NAV2: variants seen among roughly 807,000 people sequenced by gnomAD.
The protein encoded by NAV2 is neuron navigator 2, also known as helicase, APC down-regulated 1.
NAV2 carries 54 observed loss-of-function variants against 223.2 expected under a neutral mutation model. The ratio of observed to expected loss-of-function variants is 0.24; its 90% CI spans 0.19 to 0.30. The LOEUF (loss-of-function observed/expected upper bound fraction) is 0.30, where lower values mean the gene tolerates loss of function less well. NAV2 is among the 10% of genes least tolerant of loss of function. NAV2 has a pLI of 1.00. For synonymous variants in NAV2, 1,279 were observed against 1,239.3 expected (o/e 1.03, Z -0.67); for missense variants, 2,806 against 3,147.5 (o/e 0.89, Z 2.60).
chr11:20,032,960 A>AT (rs2055928868), intron 11 of NAV2, among the ~76,000 whole-genome samples: 1 of 152,236 alleles, frequency 6.6e-6, no homozygotes, highest in Non-Finnish European at 1.5e-5. Context: ...CAGTTTCTTC[A>AT]TTATGAAACA....
intron 10 of NAV2, among the ~76,000 whole-genome samples, chr11:19,968,192 T>C (rs1255958636): frequency 6.7e-6 from 1 of 148,620 alleles, no homozygotes; most frequent in Non-Finnish European, 1.5e-5. Flanking sequence ...TGATGTAGTT[T>C]TGTTTGTTTG....
At chr11:19,655,781 T>C (rs2048107083) in intron 1 of NAV2, among the ~76,000 whole-genome samples, 1 of 149,086 alleles carries the variant, frequency 6.7e-6, no homozygotes, top group African/African-American at 2.5e-5. Context: ...TTAGGAGATA[T>C]ACCTAATGTT....
intron 4 of NAV2, among the ~76,000 whole-genome samples, chr11:19,873,773 C>T (rs1441322306): frequency 6.6e-6 from 1 of 152,112 alleles, no homozygotes; most frequent in Admixed American, 6.5e-5. Flanking sequence ...GAAGGGTCCC[C>T]ATAGGCTCTG....
intron 26 of NAV2, among the ~76,000 whole-genome samples, chr11:20,087,629 C>T (rs2060541388): frequency 1.3e-5 from 2 of 152,164 alleles, no homozygotes; most frequent in Admixed American, 6.5e-5. Context: ...GCTTGAATCA[C>T]AGTTAAGGGA....
At chr11:19,570,083 AATCACTACCT>A (rs2045381601) in intron 1 of NAV2, among the ~76,000 whole-genome samples, 1 of 152,154 alleles carries the variant, frequency 6.6e-6, no homozygotes. Flanking sequence ...TTGTTTGTGG[AATCACTACCT>A]ATCACTACCT....
chr11:20,089,440 A>T (rs2060673064), intron 26 of NAV2, among the ~76,000 whole-genome samples: 1 of 152,188 alleles, frequency 6.6e-6, no homozygotes, highest in Non-Finnish European at 1.5e-5. Flanking sequence ...TTGGGAATTA[A>T]AATTTCCACA....
In NAV2 at chr11:19,648,183, G is replaced by A. The variant is rs72905873; in HGVS notation, c.76-184301G>A. Among the ~76,000 whole-genome samples the A allele has an allele frequency of 6.1e-3, 935 of 152,224 alleles. 8 individuals carry two copies. Among genetic ancestry groups the A allele is most frequent in the Non-Finnish European group, 9.2e-3 (623 of 68,012 alleles). On this transcript the variant is annotated intron_variant, in intron 1 of 37. Coordinates refer to the NAV2 transcript ENST00000360655. ...ACAATTAAAACAGTATATTAAAAAC[G>A]AAGGTAATAAATACTCAAAACTCAT...
At chr11:19,992,465 A>G (rs2051433056) in intron 11 of NAV2, among the ~76,000 whole-genome samples, 2 of 152,134 alleles carry the variant, frequency 1.3e-5, no homozygotes, top group South Asian at 4.1e-4. Context: ...TGGTGGCCTC[A>G]TGAGAATCTC....
At chr11:19,699,622 A>C (rs544808021) in intron 1 of NAV2, among the ~76,000 whole-genome samples, 1 of 152,312 alleles carries the variant, frequency 6.6e-6, no homozygotes, top group Non-Finnish European at 1.5e-5. Flanking sequence ...ATCTGCTTTT[A>C]TCCCATATGT....
chr11:19,575,444 A>C (rs2045545018), intron 1 of NAV2: 2 of 153,280 alleles, frequency 1.3e-5, no homozygotes, highest in African/African-American at 4.9e-5. Flanking sequence ...AGACCCATCC[A>C]CGGTGCTCCA....
chr11:19,391,683 G>T (rs1159165724), intron 1 of NAV2, among the ~76,000 whole-genome samples: 2 of 152,110 alleles, frequency 1.3e-5, no homozygotes, highest in Non-Finnish European at 2.9e-5. Flanking sequence ...GTGGGGCAGT[G>T]GGGGAGGGGC....
chr11:19,530,735 A>G (rs1484117487), intron 1 of NAV2, among the ~76,000 whole-genome samples: 1 of 152,174 alleles, frequency 6.6e-6, no homozygotes, highest in African/African-American at 2.4e-5. Context: ...AAAACCAAGC[A>G]CCTGCTATGT....
chr11:19,888,757 A>G (rs953971617), intron 5 of NAV2, among the ~76,000 whole-genome samples: 13 of 151,730 alleles, frequency 8.6e-5, no homozygotes, highest in African/African-American at 2.9e-4. Flanking sequence ...TGTACTTTCT[A>G]CAGGCTTTGC....
chr11:20,094,326 T>C (rs2061083989), intron 29 of NAV2, among the ~76,000 whole-genome samples: 1 of 145,118 alleles, frequency 6.9e-6, no homozygotes, highest in African/African-American at 2.6e-5. Flanking sequence ...GCCTCCCAGG[T>C]TCAAGCGATT....
chr11:19,914,871 A>G lies in NAV2; in HGVS notation c.932-18305A>G, dbSNP rs151270394. 8.1e-3 allele frequency among the ~76,000 whole-genome samples: 1,232 copies of G among 152,228 alleles called. 12 individuals carry two copies. Among genetic ancestry groups the G allele is most frequent in the African/African-American group, 0.028 (1,176 of 41,520 alleles). On this transcript the variant is annotated intron_variant, in intron 6 of 37. Coordinates refer to ENST00000349880, the MANE Select transcript of NAV2 (RefSeq NM_145117.5). ...TTGTTCCTGTTCTTAAAAGTTCTTC[A>G]GCTCCCTTGCCACTTAGAATTTCTC...
intron 1 of NAV2, among the ~76,000 whole-genome samples, chr11:19,373,723 A>G (rs1848547218): frequency 6.6e-6 from 1 of 152,242 alleles, no homozygotes; most frequent in Admixed American, 6.5e-5. Context: ...CTCCTTAGAC[A>G]TAAAATTCAC....
rs76432426 is a variant in NAV2, at chr11:19,385,284, T to A, written c.75+34257T>A. Among the ~76,000 whole-genome samples the A allele has an allele frequency of 8.0e-5, 10 of 124,534 alleles. No individual in the cohort carries two copies. The East Asian group carries it at 2.2e-3, about 28-fold the overall frequency. The allele number at this position is 124,534 out of a possible 152,430, so 81.7% of individuals were successfully genotyped here. A position where few individuals can be genotyped will look rare whatever the true frequency, so the allele number is the denominator to read the frequency against. ...TTAAACTCTGTTCAAAATGATTTGA[T>A]GTGATAAAATAGTTTTGGATAAATA... is the stretch of plus-strand genomic sequence containing the variant. On this transcript the variant is annotated intron_variant, in intron 1 of 37. Transcript: ENST00000360655.
intron 26 of NAV2, among the ~76,000 whole-genome samples, chr11:20,088,109 G>C (rs2060572745): frequency 6.6e-6 from 1 of 152,166 alleles, no homozygotes; most frequent in African/African-American, 2.4e-5. Context: ...AGGAACTAGG[G>C]GAGAAGGCTC....
rs192075616 is a variant in NAV2, at chr11:19,925,149, A to G, written c.932-8027A>G. Among the ~76,000 whole-genome samples, 175 of 152,276 alleles carry G rather than the reference A, an allele frequency of 1.1e-3. 2 individuals are homozygous for G. The highest frequency in any genetic ancestry group is 8.6e-3 in the Admixed American group (132 of 15,292). On this transcript the variant is annotated intron_variant, in intron 6 of 37. Transcript: ENST00000349880. ...ATCCGGTTGTTTTTGTTGAGTTGGA[A>G]GAGTTCTTTATATATTCTGGATATC...
Sources: gnomAD v4.1 joint callset for allele counts (sites outside exome capture counted in the v4.1 genomes callset) on GRCh38, gnomAD v4.1.1 for gene constraint, MANE v1.5 for transcripts, NCBI Gene and HGNC (gene_info 2026-07-23, HGNC 2026-07-21) for gene names.